Variants in NF1 observed in about 807,000 individuals in gnomAD.
The protein encoded by NF1 is neurofibromin.
NF1 carries 122 observed loss-of-function variants against 325.7 expected under a neutral mutation model. That is an observed-to-expected ratio of 0.37 (90% CI 0.32 to 0.44). NF1 has a LOEUF of 0.44. Ranked by LOEUF, NF1 falls within the 20% of genes least tolerant of loss-of-function variation. The pLI, the probability that NF1 is intolerant of heterozygous loss-of-function variation, is 1.00. For missense variants in NF1, 2,140 were observed against 3,415.4 expected (o/e 0.63, Z 9.31); for synonymous variants, 1,091 against 1,186.0 (o/e 0.92, Z 1.65).
chr17:31,101,247 C>G (rs1176205170), intron 1 of NF1, among the ~76,000 whole-genome samples: 3 of 152,056 alleles, frequency 2.0e-5, no homozygotes, highest in Non-Finnish European at 2.9e-5. Flanking sequence ...TTCCACTCCC[C>G]CCGGAAACCA....
chr17:31,186,190 C>T (rs1162753039), intron 8 of NF1, among the ~76,000 whole-genome samples: 2 of 152,126 alleles, frequency 1.3e-5, no homozygotes, highest in Non-Finnish European at 2.9e-5. Context: ...GGAAGTGGCT[C>T]AAATGCCCAT....
At chr17:31,098,872 C>T (rs1008764928) in intron 1 of NF1, among the ~76,000 whole-genome samples, 5 of 135,078 alleles carry the variant, frequency 3.7e-5, no homozygotes, top group South Asian at 4.7e-4. Flanking sequence ...GTGGAGCTTG[C>T]GGTGAGCCGA....
Position 31,327,680 on chromosome 17 carries a change from G to T in NF1, c.5450G>T (p.Cys1817Phe), listed in dbSNP as rs1555533589. 1 of 1,614,164 alleles carries T rather than the reference G, an allele frequency of 6.2e-7. No homozygotes were observed. Among genetic ancestry groups the T allele is most frequent in the Non-Finnish European group, 8.5e-7 (1 of 1,180,034 alleles). ...GTPLTFMHQE[C>F]EAIVQSIIHI... ...CCGCTCACCTTCATGCACCAGGAGTGTGAAGCCATTGTCCAGTCTATCATT... is the reference window on the plus strand; with the variant it reads ...CCGCTCACCTTCATGCACCAGGAGTTTGAAGCCATTGTCCAGTCTATCATT... The change falls in exon 38 of 58, where the codon TGT (cysteine) becomes TTT (phenylalanine). Residue 1817 changes from cysteine (C) to phenylalanine (F), a missense_variant. By Grantham distance (205) the Cys-to-Phe change is radical. Around this residue, in one of 10 missense-constraint regions of NF1, gnomAD observed 147 missense variants for 186.7 expected, o/e 0.79. Coordinates refer to ENST00000358273, the MANE Select transcript of NF1 (RefSeq NM_001042492.3).
At chr17:31,302,942 A>G (rs773066398) in intron 36 of NF1, among the ~76,000 whole-genome samples, 4 of 152,214 alleles carry the variant, frequency 2.6e-5, no homozygotes, top group Non-Finnish European at 5.9e-5. Context: ...TTATTCAGGA[A>G]AAGTAAGAAG....
At chr17:31,130,192 G>A (rs987799293) in intron 1 of NF1, among the ~76,000 whole-genome samples, 27 of 150,660 alleles carry the variant, frequency 1.8e-4, no homozygotes, top group African/African-American at 5.4e-4. Context: ...CAGGACTCCC[G>A]GAGTACATGG....
chr17:31,323,581 G>T (rs1055455068), intron 36 of NF1, among the ~76,000 whole-genome samples: 1 of 152,128 alleles, frequency 6.6e-6, no homozygotes, highest in African/African-American at 2.4e-5. Context: ...CTTTGGTTGG[G>T]CAGTTATGGT....
rs551035780 is a variant in NF1 at position 31,312,548 on chromosome 17, A to G, written c.4836-13272A>G. Among the ~76,000 whole-genome samples the G allele has an allele frequency of 4.0e-5, 6 of 151,722 alleles. No individual in the cohort carries two copies. The South Asian group carries it at 1.0e-3, about 26-fold the overall frequency. The stretch of plus-strand genomic sequence containing the variant: ...AAAAAAAAAAAAAGTATGGGATTCT[A>G]TGACAAAAACACACCATAAGGATCG... On this transcript the variant is annotated intron_variant, in intron 36 of 57. Transcript: ENST00000358273.
chr17:31,179,867 GAAGA>G (rs1334318323), intron 5 of NF1, among the ~76,000 whole-genome samples: 5 of 151,568 alleles, frequency 3.3e-5, no homozygotes, highest in African/African-American at 2.4e-5. Flanking sequence ...GACTCATAAA[GAAGA>G]AAGAGAGGAG....
At chr17:31,249,242 G>GAAT in intron 30 of NF1, 123 bp downstream of exon 30, 1 of 1,111,436 alleles carries the variant, frequency 9.0e-7, no homozygotes, top group Non-Finnish European at 1.4e-6. Context: ...CAGTTTGGAT[G>GAAT]AATAATACAT....
chr17:31,171,008 G>C (rs1169305630), intron 5 of NF1, among the ~76,000 whole-genome samples: 1 of 152,084 alleles, frequency 6.6e-6, no homozygotes, highest in Non-Finnish European at 1.5e-5. Context: ...AGAAACATCA[G>C]TTCTGCAATG....
chr17:31,366,551 A>T (rs1321424964), intron 57 of NF1, among the ~76,000 whole-genome samples: 1 of 152,144 alleles, frequency 6.6e-6, no homozygotes, highest in Non-Finnish European at 1.5e-5. Flanking sequence ...CTAAACTTAG[A>T]CTTGGCTCTG....
rs549377406 is a variant in NF1, at chr17:31,108,043, G to C, written c.60+12674G>C. Among the ~76,000 whole-genome samples the C allele has an allele frequency of 2.6e-5, 4 of 151,834 alleles. No individual in the cohort carries two copies. The East Asian group carries it at 7.8e-4, about 30-fold the overall frequency. ...AGGTACTTGGGAGGCTGAGGTGGGAGGATGGCTTGAGCCCAGGAGGTTGAG... is the reference window on the plus strand; with the variant it reads ...AGGTACTTGGGAGGCTGAGGTGGGACGATGGCTTGAGCCCAGGAGGTTGAG... On this transcript the variant is annotated intron_variant, in intron 1 of 57. Coordinates refer to ENST00000358273, the MANE Select transcript of NF1 (RefSeq NM_001042492.3).
Position 31,338,858 on chromosome 17 carries a change from GT to G in NF1, c.6921+55del, listed in dbSNP as rs1455438385. 22 of 1,128,478 alleles carry G rather than the reference GT, an allele frequency of 1.9e-5. No individual in the cohort carries two copies. In the Admixed American group the frequency reaches 3.7e-4, roughly 19 times the overall value. 69.9% of individuals were successfully genotyped at this position (1,128,478 alleles called of 1,614,324 possible). On this transcript the variant is annotated intron_variant, in intron 46 of 57. Transcript: ENST00000358273. ...TTCATTTTGGGTATCAGTGTTGAATGTTACTTTCTTTCAAAGAGTTTAGAAA... is the reference window on the plus strand; with the variant it reads ...TTCATTTTGGGTATCAGTGTTGAATGTACTTTCTTTCAAAGAGTTTAGAAA...
At position 31,360,530 on chromosome 17, in the gene NF1, T is replaced by C. The variant is rs2151587773; in HGVS notation, c.8204T>C (p.Leu2735Pro). ...TATGCTGAGCTTATTGTTAAGTTTC[T>C]TGATGCCTTGATTGACACGTACCTG... ...PDYAELIVKF[L>P]DALIDTYLPG... Residue 2735 changes from leucine (L) to proline (P), a missense_variant, in exon 57 of 58, where the codon CTT (leucine) becomes CCT (proline). Leu to Pro is a moderately conservative substitution (Grantham distance 98). Transcript: ENST00000358273. 6.2e-7 allele frequency: 1 copy of C among 1,614,162 alleles called. No individual in the cohort carries two copies. Among genetic ancestry groups the C allele is most frequent in the Non-Finnish European group, 8.5e-7 (1 of 1,180,028 alleles).
intron 11 of NF1, among the ~76,000 whole-genome samples, chr17:31,204,879 C>A (rs1334276689): frequency 2.0e-5 from 3 of 152,088 alleles, no homozygotes; most frequent in African/African-American, 7.2e-5. Flanking sequence ...AATCAAGTTG[C>A]ATTGGTTGCT....
rs970304582 is a variant in NF1 at position 31,226,765 on chromosome 17, C to G, written c.2251+81C>G. ...GATTTTGAGAATGTATTTAAGGTCA[C>G]TACTTTGTAAGTTTACAGGGGAAAT... On this transcript the variant is annotated intron_variant, in intron 18 of 57. Coordinates refer to ENST00000358273, the MANE Select transcript of NF1 (RefSeq NM_001042492.3). The G allele has an allele frequency of 3.2e-6, 5 of 1,577,242 alleles. No individual in the cohort carries two copies. The African/African-American group carries it at 6.7e-5, about 21-fold the overall frequency.
At chr17:31,268,641 A>T (rs1406055587) in intron 36 of NF1, among the ~76,000 whole-genome samples, 5 of 150,770 alleles carry the variant, frequency 3.3e-5, no homozygotes, top group Admixed American at 3.3e-4. Context: ...AAAAAAAAAA[A>T]AGTGACCACT....
chr17:31,156,460 A>T (rs1018802182), intron 2 of NF1, among the ~76,000 whole-genome samples: 5 of 152,166 alleles, frequency 3.3e-5, no homozygotes, highest in Non-Finnish European at 5.9e-5. Context: ...TGTGGCCTAC[A>T]CGAATTGACC....
intron 36 of NF1, among the ~76,000 whole-genome samples, chr17:31,289,315 A>T (rs1398003950): frequency 6.6e-6 from 1 of 152,234 alleles, no homozygotes; most frequent in African/African-American, 2.4e-5. Flanking sequence ...ATCATGCAGT[A>T]AACCATATTA....
Sources: gnomAD v4.1 joint callset for allele counts (sites outside exome capture counted in the v4.1 genomes callset) on GRCh38, gnomAD v4.1.1 for gene constraint, gnomAD v4.1.1 regional missense constraint, MANE v1.5 for transcripts, NCBI Gene and HGNC (gene_info 2026-07-23, HGNC 2026-07-21) for gene names.